The following NCAPG variants were observed in gnomAD, a reference collection of about 807,000 sequenced individuals.
The protein encoded by NCAPG is condensin complex subunit 3.
Under a neutral mutation model 113.1 loss-of-function variants are expected in NCAPG, and 69 were observed. The observed-to-expected ratio is 0.61, with a 90% CI of 0.50 to 0.75. The LOEUF is 0.75. Ranked by LOEUF, NCAPG falls within the 30% of genes least tolerant of loss-of-function variation. NCAPG has a pLI of 0.00. For synonymous variants in NCAPG, 370 were observed against 415.8 expected, an observed-to-expected ratio of 0.89 and a Z score of 1.34; for missense variants, 1,058 against 1,177.0, an observed-to-expected ratio of 0.90 and a Z score of 1.48.
chr4:17,813,628 A>G lies in NCAPG; in HGVS notation c.544+483A>G, dbSNP rs144815261. ...TATTTTGAAAAGAAATCCTTGGGTTATATGAATTGTAGATCTCTTCCTGTT... is the reference window on the plus strand; with the variant it reads ...TATTTTGAAAAGAAATCCTTGGGTTGTATGAATTGTAGATCTCTTCCTGTT... On this transcript the variant is annotated intron_variant, in intron 3 of 20. Transcript: ENST00000251496. Among the ~76,000 whole-genome samples the G allele has an allele frequency of 2.4e-3, 365 of 152,276 alleles. 1 individual carries two copies. The highest frequency in any genetic ancestry group is 7.8e-3 in the African/African-American group (326 of 41,562).
At chr4:17,842,794 T>TA (rs763229422) in intron 20 of NCAPG, 133 of 168,976 alleles carry the variant, frequency 7.9e-4, no homozygotes, top group Middle Eastern at 3.0e-3. Context: ...AAGCCACTGT[T>TA]AGAGCTGAAA....
Position 17,812,951 on chromosome 4 carries a change from G to A in NCAPG, c.350G>A (p.Arg117Lys), listed in dbSNP as rs1320024843. 1 of 1,614,004 alleles carries A rather than the reference G, an allele frequency of 6.2e-7. No homozygotes were observed. The highest frequency in any genetic ancestry group is 1.1e-5 in the South Asian group (1 of 91,068). ...GCAAACAGCAATGCAGTGAGATTTAGAGTGTGCCTGCTCATAAACAAGCTT... is the reference window on the plus strand; with the variant it reads ...GCAAACAGCAATGCAGTGAGATTTAAAGTGTGCCTGCTCATAAACAAGCTT... Reference protein sequence around the residue: ...HEANSNAVRFRVCLLINKLLG... With the variant: ...HEANSNAVRFKVCLLINKLLG... Residue 117 changes from arginine to lysine, a missense_variant, in exon 3 of 21, where the codon AGA becomes AAA. Transcript: ENST00000251496.
chr4:17,820,696 A>G (rs1487712997), intron 7 of NCAPG, among the ~76,000 whole-genome samples: 1 of 152,220 alleles, frequency 6.6e-6, no homozygotes, highest in African/African-American at 2.4e-5. Context: ...TTGGAGGAAC[A>G]TGACTAGATG....
At chr4:17,834,971 TA>T (rs1440271747) in intron 14 of NCAPG, among the ~76,000 whole-genome samples, 1 of 152,250 alleles carries the variant, frequency 6.6e-6, no homozygotes, top group Admixed American at 6.5e-5. Flanking sequence ...TGTTATTTTT[TA>T]TTTCTTTATG....
intron 19 of NCAPG, 181 bp from the exon 20 acceptor site, chr4:17,842,129 G>T: frequency 1.9e-6 from 1 of 539,252 alleles, no homozygotes; most frequent in South Asian, 2.5e-5. Flanking sequence ...TTTTAATCTT[G>T]CTTGGGTTCC....
intron 10 of NCAPG, 128 bp from the exon 11 acceptor site, chr4:17,825,254 C>A: frequency 1.1e-6 from 1 of 893,072 alleles, no homozygotes; most frequent in Non-Finnish European, 1.7e-6. Context: ...AGGAAAACTA[C>A]AAGTTTGCAT....
At position 17,843,110 on chromosome 4, in the gene NCAPG, C is replaced by CTGAT. The variant is rs567015478; in HGVS notation, c.2925-190_2925-187dup. The CTGAT allele has an allele frequency of 1.8e-3, 888 of 496,362 alleles. 6 individuals carry two copies. Among genetic ancestry groups the CTGAT allele is most frequent in the African/African-American group, 0.016 (822 of 51,404 alleles). 30.7% of individuals were successfully genotyped at this position (496,362 alleles called of 1,614,324 possible). On this transcript the variant is annotated intron_variant, in intron 20 of 20. Transcript: ENST00000251496. Reference sequence around the variant, plus strand: ...TATAAAATCATTAGCTAGATTTTCCCTGATTCACTTTGCTAGATAGCCAAG... The same window carrying CTGAT: ...TATAAAATCATTAGCTAGATTTTCCCTGATTGATTCACTTTGCTAGATAGCCAAG...
intron 14 of NCAPG, among the ~76,000 whole-genome samples, chr4:17,836,660 TTTTCC>T (rs1005328489): frequency 6.6e-6 from 1 of 152,166 alleles, no homozygotes; most frequent in African/African-American, 2.4e-5. Context: ...TCCAGTTGTC[TTTTCC>T]TTTGTCTTCT....
rs369712977 is a variant in NCAPG at position 17,837,608 on chromosome 4, T to C, written c.2292-19T>C. On this transcript the variant is annotated intron_variant, in intron 15 of 20. Coordinates refer to ENST00000251496, the MANE Select transcript of NCAPG (RefSeq NM_022346.5). ...CAAATAATGTTCTGCCAACATACTT[T>C]GAATTTGTTTCTCAATAGGACTAAT... 1.1e-4 allele frequency: 176 copies of C among 1,596,564 alleles called. No individual in the cohort carries two copies. The highest frequency in any genetic ancestry group is 1.5e-4 in the Non-Finnish European group (171 of 1,172,392).
intron 2 of NCAPG, 62 bp from the exon 3 acceptor site, chr4:17,812,855 A>G: frequency 7.4e-7 from 1 of 1,348,028 alleles, no homozygotes; most frequent in Non-Finnish European, 1.1e-6. Flanking sequence ...GAGTTCAGAT[A>G]ATATTGATTA....
intron 15 of NCAPG, 25 bp from the exon 16 acceptor site, chr4:17,837,602 A>G: frequency 6.3e-7 from 1 of 1,594,204 alleles, no homozygotes; most frequent in Non-Finnish European, 8.5e-7. Context: ...TTCTGCCAAC[A>G]TACTTTGAAT....
chr4:17,839,956 C>T (rs1285552699), intron 17 of NCAPG, 115 bp from the exon 18 acceptor site: 3 of 1,442,022 alleles, frequency 2.1e-6, no homozygotes, highest in Non-Finnish European at 2.8e-6. Context: ...GAAGTATTTT[C>T]TTCATAAATT....
intron 13 of NCAPG, among the ~76,000 whole-genome samples, chr4:17,834,039 A>C (rs1721982269): frequency 6.6e-6 from 1 of 152,224 alleles, no homozygotes; most frequent in Non-Finnish European, 1.5e-5. Context: ...CTCCAACTCC[A>C]GAAATTTTTA....
intron 11 of NCAPG, 43 bp from the exon 12 acceptor site, chr4:17,828,235 G>C: frequency 7.2e-7 from 1 of 1,388,068 alleles, no homozygotes; most frequent in East Asian, 2.4e-5. Context: ...TAAAGGATGG[G>C]GAGAAGATAT....
chr4:17,814,082 A>T (rs867205970), intron 3 of NCAPG, among the ~76,000 whole-genome samples: 8 of 152,206 alleles, frequency 5.3e-5, no homozygotes, highest in African/African-American at 1.9e-4. Flanking sequence ...AATGAATAAA[A>T]CCAAAAAATA....
At chr4:17,830,043 G>T (rs563046036) in intron 12 of NCAPG, among the ~76,000 whole-genome samples, 5 of 152,290 alleles carry the variant, frequency 3.3e-5, no homozygotes, top group Non-Finnish European at 2.9e-5. Flanking sequence ...TATGGTAGCT[G>T]TCAGCCACAC....
chr4:17,819,340 A>G (rs563229283), intron 7 of NCAPG, among the ~76,000 whole-genome samples: 14 of 152,230 alleles, frequency 9.2e-5, no homozygotes, highest in Non-Finnish European at 1.8e-4. Context: ...TTGCTACACC[A>G]AAGGATAATA....
In NCAPG at chr4:17,824,884, T is replaced by C. The variant is rs1243320023; in HGVS notation, c.1384-84T>C. On this transcript the variant is annotated intron_variant, in intron 9 of 20. Coordinates refer to ENST00000251496, the MANE Select transcript of NCAPG (RefSeq NM_022346.5). ...GCTCCATTATTCAATATATGGTGGA[T>C]ACTACTTGGAGTTTTATATAGAATT... 8 of 871,658 alleles carry C rather than the reference T, an allele frequency of 9.2e-6. No individual in the cohort carries two copies. In the East Asian group the frequency reaches 2.1e-4, roughly 23 times the overall value. The allele number at this position is 871,658 out of a possible 1,614,324, so 54.0% of individuals were successfully genotyped here.
intron 17 of NCAPG, 43 bp from the exon 18 acceptor site, chr4:17,840,028 G>A: frequency 6.4e-7 from 1 of 1,569,002 alleles, no homozygotes; most frequent in Non-Finnish European, 8.6e-7. Flanking sequence ...AAAGATTAGG[G>A]AATGCGGTGT....
Sources: allele counts gnomAD v4.1 joint callset (sites outside exome capture counted in the v4.1 genomes callset), GRCh38; gene constraint gnomAD v4.1.1; transcripts MANE v1.5; gene names NCBI Gene and HGNC (gene_info 2026-07-23, HGNC 2026-07-21).